SUSD6: variants seen among roughly 807,000 people sequenced by gnomAD.
SUSD6 encodes sushi domain containing 6.
A neutral mutation model predicts 28.4 loss-of-function variants in SUSD6; 16 were observed. That is an observed-to-expected ratio of 0.56 (90% CI 0.38 to 0.86). SUSD6 has a LOEUF of 0.86. Among genes scored for constraint, SUSD6 ranks in the 40% least tolerant of loss-of-function variants. The pLI is 0.00. For synonymous variants in SUSD6, 147 were observed against 159.6 expected (o/e 0.92, Z 0.59); for missense variants, 341 against 384.2 (o/e 0.89, Z 0.94).
At chr14:69,687,432 CAG>C (rs1173194847) in intron 2 of SUSD6, among the ~76,000 whole-genome samples, 2 of 152,308 alleles carry the variant, frequency 1.3e-5, no homozygotes, top group East Asian at 3.9e-4. Flanking sequence ...TTTAAGCTGT[CAG>C]ATGGGCTTTT....
intron 2 of SUSD6, among the ~76,000 whole-genome samples, chr14:69,687,328 C>G (rs1594718083): frequency 6.6e-6 from 1 of 152,178 alleles, no homozygotes; most frequent in Non-Finnish European, 1.5e-5. Context: ...CCAGGCTGTT[C>G]TCGAACTCCT....
At chr14:69,667,918 T>A (rs1166471693) in intron 2 of SUSD6, among the ~76,000 whole-genome samples, 1 of 152,240 alleles carries the variant, frequency 6.6e-6, no homozygotes, top group African/African-American at 2.4e-5. Flanking sequence ...CTTTTTATGT[T>A]GCTCCTTTGC....
chr14:69,655,537 C>T (rs184801815), intron 1 of SUSD6, among the ~76,000 whole-genome samples: 49 of 152,250 alleles, frequency 3.2e-4, no homozygotes, highest in African/African-American at 1.1e-3. Context: ...TGGCTCATCC[C>T]TCTAATTTCA....
rs548353027 is a variant in SUSD6 at position 69,713,813 on chromosome 14, T to A, written c.*2834T>A. ...CATTTAAAAGAGTTTTTGGGTTTTT[T>A]TGTTTGTTTGTTGTTGGTGTTTGTT... On this transcript the variant is annotated 3_prime_UTR_variant, in exon 6 of 6. Transcript: ENST00000342745. The A allele has an allele frequency of 5.3e-5, 8 of 151,652 alleles. No individual in the cohort carries two copies. The highest frequency in any genetic ancestry group is 1.9e-4 in the African/African-American group (8 of 41,298). The allele number at this position is 151,652 out of a possible 1,614,324, so 9.4% of individuals were successfully genotyped here.
chr14:69,657,992 AG>A (rs1885609290), intron 1 of SUSD6, among the ~76,000 whole-genome samples: 1 of 152,214 alleles, frequency 6.6e-6, no homozygotes, highest in South Asian at 2.1e-4. Flanking sequence ...ACGGCTGTCG[AG>A]TCAGGTCCTC....
intron 2 of SUSD6, among the ~76,000 whole-genome samples, chr14:69,692,136 T>C (rs1886163163): frequency 6.6e-6 from 1 of 151,938 alleles, no homozygotes; most frequent in Non-Finnish European, 1.5e-5. Context: ...CTTAAATAGC[T>C]CCATTGTGTG....
At chr14:69,618,691 G>C (rs1156913865) in intron 1 of SUSD6, among the ~76,000 whole-genome samples, 1 of 152,238 alleles carries the variant, frequency 6.6e-6, no homozygotes, top group Non-Finnish European at 1.5e-5. Context: ...CTGTGTGTGT[G>C]TGTGTAAATG....
intron 2 of SUSD6, among the ~76,000 whole-genome samples, chr14:69,671,044 C>A (rs980501844): frequency 1.3e-5 from 2 of 152,168 alleles, no homozygotes; most frequent in Non-Finnish European, 2.9e-5. Context: ...TTAGGTTGAG[C>A]ACACCAAAAG....
At chr14:69,671,368 G>A (rs1271495666) in intron 2 of SUSD6, among the ~76,000 whole-genome samples, 1 of 152,168 alleles carries the variant, frequency 6.6e-6, no homozygotes, top group Non-Finnish European at 1.5e-5. Context: ...GGAAGTGATG[G>A]GCTAGGTGAG....
intron 4 of SUSD6, among the ~76,000 whole-genome samples, chr14:69,708,301 G>A (rs548652965): frequency 2.0e-5 from 3 of 152,304 alleles, no homozygotes; most frequent in African/African-American, 7.2e-5. Context: ...CTGAATGAAT[G>A]CCTTTATTTC....
chr14:69,645,805 A>G, intron 1 of SUSD6, among the ~76,000 whole-genome samples: 1 of 151,322 alleles, frequency 6.6e-6, no homozygotes, highest in Admixed American at 6.6e-5. Flanking sequence ...GCTGGAGTGC[A>G]ATGGCGCGAT....
intron 2 of SUSD6, among the ~76,000 whole-genome samples, chr14:69,676,674 C>T (rs900670140): frequency 6.6e-6 from 1 of 152,248 alleles, no homozygotes; most frequent in African/African-American, 2.4e-5. Context: ...GGATTATAGG[C>T]ATGAGCCACC....
rs1885531796 is a variant in SUSD6, at chr14:69,653,408, A to AGG, written c.-80-5104_-80-5103insGG. 2.0e-5 allele frequency among the ~76,000 whole-genome samples: 3 copies of AGG among 152,334 alleles called. No individual in the cohort carries two copies. The South Asian group carries it at 6.2e-4, about 32-fold the overall frequency. ...AGCAAGAGAAGGGTAGAAGCGGTGA[A>AGG]GAATTCTGTGGCCTTAGAGCCTTTT... On this transcript the variant is annotated intron_variant, in intron 1 of 5. Coordinates refer to ENST00000342745, the MANE Select transcript of SUSD6 (RefSeq NM_014734.4).
At chr14:69,693,942 T>C (rs1256441344) in intron 2 of SUSD6, among the ~76,000 whole-genome samples, 3 of 152,278 alleles carry the variant, frequency 2.0e-5, no homozygotes, top group Admixed American at 2.0e-4. Context: ...TGCCGTTGTC[T>C]GTTATTGACT....
chr14:69,632,718 C>G (rs1414878113), intron 1 of SUSD6, among the ~76,000 whole-genome samples: 2 of 151,646 alleles, frequency 1.3e-5, no homozygotes, highest in Middle Eastern at 3.4e-3. Context: ...TTCCCAGAAA[C>G]AGGCAGAATG....
Position 69,669,533 on chromosome 14 carries a change from C to T in SUSD6, c.121+10820C>T, listed in dbSNP as rs150981968. Among the ~76,000 whole-genome samples the T allele has an allele frequency of 7.8e-4, 119 of 152,292 alleles. 1 individual carries two copies. The South Asian group carries it at 0.015, about 19-fold the overall frequency. On this transcript the variant is annotated intron_variant, in intron 2 of 5. Coordinates refer to ENST00000342745, the MANE Select transcript of SUSD6 (RefSeq NM_014734.4). ...AGAGTGCCACTTGGGTGGGGTTTGGCTTCACTTTCTTGCCTACTGCCTTTG... is the reference window on the plus strand; with the variant it reads ...AGAGTGCCACTTGGGTGGGGTTTGGTTTCACTTTCTTGCCTACTGCCTTTG...
intron 1 of SUSD6, among the ~76,000 whole-genome samples, chr14:69,651,199 T>G (rs1885499289): frequency 6.6e-6 from 1 of 152,174 alleles, no homozygotes; most frequent in Admixed American, 6.5e-5. Context: ...TGTCCTGTGA[T>G]CAGGTCCCTG....
At chr14:69,695,212 G>A (rs905745021) in intron 2 of SUSD6, among the ~76,000 whole-genome samples, 1 of 152,214 alleles carries the variant, frequency 6.6e-6, no homozygotes, top group Non-Finnish European at 1.5e-5. Context: ...GGATCGGGAA[G>A]CCAGAAGGCT....
At chr14:69,619,360 T>C (rs1191290996) in intron 1 of SUSD6, among the ~76,000 whole-genome samples, 2 of 152,220 alleles carry the variant, frequency 1.3e-5, no homozygotes, top group African/African-American at 4.8e-5. Flanking sequence ...TCTTTATTCC[T>C]TTACTTTCTT....
Sources: gnomAD v4.1 joint callset for allele counts (sites outside exome capture counted in the v4.1 genomes callset) on GRCh38, gnomAD v4.1.1 for gene constraint, MANE v1.5 for transcripts, NCBI Gene and HGNC (gene_info 2026-07-23, HGNC 2026-07-21) for gene names.